IL16: variants seen among roughly 807,000 people sequenced by gnomAD.
The protein encoded by IL16 is interleukin 16.
Under a neutral mutation model 110.1 loss-of-function variants are expected in IL16, and 67 were observed. The observed-to-expected ratio is 0.61, with a 90% CI of 0.50 to 0.75. The LOEUF is 0.75. Ranked by LOEUF, IL16 falls within the 30% of genes least tolerant of loss-of-function variation. The pLI is 0.00. For missense variants in IL16, 1,545 were observed against 1,655.0 expected, an observed-to-expected ratio of 0.93 and a Z score of 1.15; for synonymous variants, 689 against 662.9, an observed-to-expected ratio of 1.04 and a Z score of -0.61.
rs1231041329 is a variant in IL16, at chr15:81,273,098, C to T, written c.684C>T (p.Gly228=). The part of the protein sequence containing the change: ...VLMKGQAKGL[G]FSIVGGKDSI... ...TCTCTTTTTTTCCCCAGGGTCTGGG[C>T]TTCAGCATCGTTGGGGGAAAAGACA... The change falls in exon 6 of 19, where the codon GGC becomes GGT. Residue 228 remains glycine, a synonymous_variant. Transcript: ENST00000683961. 6.2e-7 allele frequency: 1 copy of T among 1,612,836 alleles called. No individual in the cohort carries two copies. Among genetic ancestry groups the T allele is most frequent in the Non-Finnish European group, 8.5e-7 (1 of 1,179,086 alleles).
intron 8 of IL16, 88 bp from the exon 9 acceptor site, chr15:81,282,551 G>A: frequency 1.1e-6 from 1 of 904,890 alleles, no homozygotes; most frequent in Non-Finnish European, 1.8e-6. Context: ...AATAACCAGG[G>A]GGCCATGTCT....
At chr15:81,189,727 G>A (rs1217033454) in intron 1 of IL16, among the ~76,000 whole-genome samples, 2 of 152,212 alleles carry the variant, frequency 1.3e-5, no homozygotes, top group African/African-American at 4.8e-5. Context: ...GGCAGAGTGT[G>A]CTGACATGTG....
intron 1 of IL16, among the ~76,000 whole-genome samples, chr15:81,198,229 T>G (rs1895671563): frequency 6.6e-6 from 1 of 152,196 alleles, no homozygotes; most frequent in South Asian, 2.1e-4. Flanking sequence ...CTGGCCACTC[T>G]TCAAGCCCCA....
intron 1 of IL16, among the ~76,000 whole-genome samples, chr15:81,204,604 T>C (rs978380474): frequency 6.6e-4 from 100 of 152,226 alleles, no homozygotes; most frequent in Non-Finnish European, 2.8e-4. Context: ...TCTTTGGTTC[T>C]GTTTATATGC....
Position 81,303,185 on chromosome 15 carries a change from GTTTT to G in IL16, c.3319-355_3319-352del, listed in dbSNP as rs60981835. 18,382 of 166,148 alleles carry G rather than the reference GTTTT, an allele frequency of 0.11. 1,276 individuals are homozygous for G. Among genetic ancestry groups the G allele is most frequent in the East Asian group, 0.19 (1,105 of 5,852 alleles). 10.3% of individuals were successfully genotyped at this position (166,148 alleles called of 1,614,324 possible). On this transcript the variant is annotated intron_variant, in intron 15 of 18. Coordinates refer to ENST00000683961, the MANE Select transcript of IL16 (RefSeq NM_172217.5). This position sits in a 1 kb window ranked among gnomAD's most constrained non-coding sequence, Gnocchi z 4.1. The stretch of plus-strand genomic sequence containing the variant: ...ACTGACCCCTGTTTTGTTTTTTGTT[GTTTT>G]TTTTTTTTGTTTTGTTTTACCTGAA...
At chr15:81,195,615 G>C (rs926937027), upstream of IL16, among the ~76,000 whole-genome samples, 1 of 152,168 alleles carries the variant, frequency 6.6e-6, no homozygotes, top group Non-Finnish European at 1.5e-5. Context: ...GCAGCGGCTA[G>C]ATCTTTGCAG....
chr15:81,280,721 C>A (rs191916083), intron 8 of IL16, among the ~76,000 whole-genome samples: 1 of 152,210 alleles, frequency 6.6e-6, no homozygotes, highest in Non-Finnish European at 1.5e-5. Context: ...TGTTTTAACT[C>A]TCCTGCTAGG....
intron 1 of IL16, among the ~76,000 whole-genome samples, chr15:81,186,126 T>C (rs1480541414): frequency 6.6e-6 from 1 of 152,212 alleles, no homozygotes; most frequent in Non-Finnish European, 1.5e-5. Flanking sequence ...GGCCTCGCCC[T>C]GAACCCTGGA....
intron 1 of IL16, among the ~76,000 whole-genome samples, chr15:81,208,478 C>A (rs1303351738): frequency 6.6e-6 from 1 of 152,126 alleles, no homozygotes; most frequent in Non-Finnish European, 1.5e-5. Context: ...AGGTGCCCAC[C>A]ACCATGCCCA....
intron 9 of IL16, among the ~76,000 whole-genome samples, chr15:81,283,889 G>A (rs1317137062): frequency 1.3e-5 from 2 of 151,770 alleles, no homozygotes; most frequent in Non-Finnish European, 2.9e-5. Flanking sequence ...TGTAATCCCA[G>A]TTACTTGGGA....
chr15:81,274,552 T>C (rs544508021), intron 6 of IL16, among the ~76,000 whole-genome samples: 17 of 152,280 alleles, frequency 1.1e-4, no homozygotes, highest in African/African-American at 2.6e-4. Context: ...CATGATTAGG[T>C]GACAGCAGAT....
intron 1 of IL16, among the ~76,000 whole-genome samples, chr15:81,202,746 C>T (rs1895866768): frequency 6.6e-6 from 1 of 152,156 alleles, no homozygotes; most frequent in Admixed American, 6.5e-5. Context: ...TAGGTTGGTT[C>T]CAAGTCTTTG....
At chr15:81,210,887 G>A (rs1394542947) in intron 1 of IL16, among the ~76,000 whole-genome samples, 1 of 152,158 alleles carries the variant, frequency 6.6e-6, no homozygotes, top group Non-Finnish European at 1.5e-5. Context: ...ATGTTGAATA[G>A]GAGTGGTGAG....
At chr15:81,187,225 G>A (rs1895432361) in intron 1 of IL16, among the ~76,000 whole-genome samples, 1 of 152,160 alleles carries the variant, frequency 6.6e-6, no homozygotes, top group Admixed American at 6.5e-5. Context: ...TGAAATGTAT[G>A]TATCTTAAGT....
intron 13 of IL16, among the ~76,000 whole-genome samples, chr15:81,297,787 G>T (rs188143328): frequency 6.6e-6 from 1 of 152,136 alleles, no homozygotes. Context: ...CTAGATGCTG[G>T]GGGGAGAGAG....
At chr15:81,234,210 A>G (rs995931201) in intron 2 of IL16, among the ~76,000 whole-genome samples, 10 of 151,982 alleles carry the variant, frequency 6.6e-5, no homozygotes, top group African/African-American at 2.4e-4. Context: ...TCTTCCTTCA[A>G]TCTTTGTCTT....
At chr15:81,208,614 G>A (rs1057353454) in intron 1 of IL16, among the ~76,000 whole-genome samples, 1 of 152,196 alleles carries the variant, frequency 6.6e-6, no homozygotes, top group African/African-American at 2.4e-5. Context: ...ACTGGCATGA[G>A]CCATCACACC....
chr15:81,276,371 A>T (rs1898908638), intron 6 of IL16, among the ~76,000 whole-genome samples: 1 of 152,166 alleles, frequency 6.6e-6, no homozygotes, highest in Non-Finnish European at 1.5e-5. Context: ...AGAATGGCAG[A>T]CTCAGGGGTT....
intron 2 of IL16, among the ~76,000 whole-genome samples, chr15:81,241,579 A>C (rs144819395): frequency 2.0e-5 from 3 of 152,260 alleles, no homozygotes; most frequent in African/African-American, 7.2e-5. Context: ...TCTATTTATG[A>C]ACTGCTATTT....
Sources: gnomAD v4.1 joint callset for allele counts (sites outside exome capture counted in the v4.1 genomes callset) on GRCh38, gnomAD v4.1.1 for gene constraint, Gnocchi (gnomAD v3.1) non-coding constraint, MANE v1.5 for transcripts, NCBI Gene and HGNC (gene_info 2026-07-23, HGNC 2026-07-21) for gene names.